The following KCNT2 variants were observed in gnomAD, a reference collection of about 807,000 sequenced individuals.
KCNT2 encodes potassium channel subfamily T member 2.
A neutral mutation model predicts 153.8 loss-of-function variants in KCNT2; 67 were observed. The observed-to-expected ratio is 0.44, with a 90% CI of 0.36 to 0.53. The LOEUF is 0.53. KCNT2 is among the 20% of genes least tolerant of loss of function. The probability of loss-of-function intolerance (pLI) is 0.00; values close to 1 mark genes in which losing one functional copy is unlikely to be tolerated. For synonymous variants in KCNT2, 500 were observed against 458.8 expected (o/e 1.09, Z -1.15); for missense variants, 975 against 1,354.8 (o/e 0.72, Z 4.40).
At chr1:196,411,619 T>A (rs1050121843) in intron 12 of KCNT2, among the ~76,000 whole-genome samples, 1 of 151,736 alleles carries the variant, frequency 6.6e-6, no homozygotes. Flanking sequence ...TTCTAAGTAT[T>A]TTATTCTTTT....
intron 14 of KCNT2, among the ~76,000 whole-genome samples, chr1:196,353,796 A>G (rs1280894961): frequency 1.3e-5 from 2 of 152,016 alleles, no homozygotes; most frequent in East Asian, 3.9e-4. Context: ...ATGTATTTCA[A>G]TACAGACCTC....
chr1:196,593,311 T>TATATATATATAC (rs1256165838), intron 1 of KCNT2, among the ~76,000 whole-genome samples: 19 of 140,204 alleles, frequency 1.4e-4, no homozygotes, highest in African/African-American at 5.3e-4. Context: ...TATATATATA[T>TATATATATATAC]ACACACACAC....
chr1:196,516,813 C>CT (rs1387523683), intron 1 of KCNT2, among the ~76,000 whole-genome samples: 9 of 152,198 alleles, frequency 5.9e-5, no homozygotes, highest in Non-Finnish European at 1.3e-4. Flanking sequence ...GCAGTCTTCA[C>CT]TGTTGATACC....
intron 1 of KCNT2, among the ~76,000 whole-genome samples, chr1:196,584,921 A>C (rs1662489159): frequency 6.6e-6 from 1 of 152,076 alleles, no homozygotes; most frequent in Non-Finnish European, 1.5e-5. Flanking sequence ...TGGGGTTTGC[A>C]AAGATGAACT....
chr1:196,294,280 G>GT (rs529657775), intron 22 of KCNT2, among the ~76,000 whole-genome samples: 33 of 152,076 alleles, frequency 2.2e-4, no homozygotes, highest in African/African-American at 6.7e-4. Context: ...ATTATGTTTT[G>GT]TTTTTTTGTT....
At chr1:196,431,833 G>A (rs1315257401) in intron 8 of KCNT2, among the ~76,000 whole-genome samples, 2 of 152,108 alleles carry the variant, frequency 1.3e-5, no homozygotes. Flanking sequence ...AATAAAAATT[G>A]TGCTCCAGAG....
intron 12 of KCNT2, among the ~76,000 whole-genome samples, chr1:196,411,460 A>C (rs140568999): frequency 0.015 from 2,210 of 149,882 alleles, 69 homozygotes; most frequent in African/African-American, 0.051. Flanking sequence ...AAAAAAAAAA[A>C]AAAAAAAAAC....
At chr1:196,515,849 C>T (rs1227295315) in intron 1 of KCNT2, among the ~76,000 whole-genome samples, 5 of 152,100 alleles carry the variant, frequency 3.3e-5, no homozygotes, top group African/African-American at 9.7e-5. Flanking sequence ...CCTCCCCAAC[C>T]CAGGGAAGTG....
chr1:196,301,449 A>G (rs1558120244), intron 22 of KCNT2, among the ~76,000 whole-genome samples: 1 of 152,158 alleles, frequency 6.6e-6, no homozygotes, highest in East Asian at 1.9e-4. Context: ...TTACCCCTAT[A>G]TCCCCTACAG....
intron 1 of KCNT2, among the ~76,000 whole-genome samples, chr1:196,597,133 T>C (rs555169754): frequency 1.3e-5 from 2 of 152,322 alleles, no homozygotes; most frequent in East Asian, 3.9e-4. Context: ...TTGGTTAGAA[T>C]CCTAGTATGT....
chr1:196,238,446 T>C (rs1427803936), intron 26 of KCNT2, among the ~76,000 whole-genome samples: 1 of 152,030 alleles, frequency 6.6e-6, no homozygotes, highest in Non-Finnish European at 1.5e-5. Context: ...ATACATGGCT[T>C]ATCAAGACGT....
chr1:196,336,958 T>A (rs988152514), intron 16 of KCNT2, among the ~76,000 whole-genome samples: 9 of 152,162 alleles, frequency 5.9e-5, no homozygotes, highest in African/African-American at 1.9e-4. Flanking sequence ...CAGAGCTTTG[T>A]CTTTTATTTT....
chr1:196,232,108 G>C (rs1417860920), intron 27 of KCNT2, among the ~76,000 whole-genome samples: 1 of 151,688 alleles, frequency 6.6e-6, no homozygotes. Context: ...TATTTTCTTT[G>C]ACCAAATAAA....
intron 13 of KCNT2, among the ~76,000 whole-genome samples, chr1:196,393,711 A>G (rs1279341847): frequency 1.3e-5 from 2 of 151,532 alleles, no homozygotes; most frequent in Admixed American, 6.6e-5. Flanking sequence ...TCTGATAACT[A>G]AACTGCTATA....
chr1:196,353,106 T>G (rs1183476864), intron 14 of KCNT2, among the ~76,000 whole-genome samples: 2 of 151,954 alleles, frequency 1.3e-5, no homozygotes, highest in Non-Finnish European at 1.5e-5. Flanking sequence ...CGCAAGAGTA[T>G]GGGCTGCTCC....
chr1:196,389,769 G>A (rs759786689), intron 13 of KCNT2, among the ~76,000 whole-genome samples: 2 of 151,558 alleles, frequency 1.3e-5, no homozygotes, highest in Non-Finnish European at 3.0e-5. Flanking sequence ...AAAGTTAGTG[G>A]TAAGCTTTTA....
At chr1:196,519,132 A>C (rs953382331) in intron 1 of KCNT2, among the ~76,000 whole-genome samples, 1 of 152,182 alleles carries the variant, frequency 6.6e-6, no homozygotes, top group Non-Finnish European at 1.5e-5. Context: ...ATCAAGAATA[A>C]AGAAAAAAAT....
chr1:196,428,305 A>C (rs1212793458), intron 9 of KCNT2, 36 bp from the exon 10 acceptor site: 2 of 1,492,638 alleles, frequency 1.3e-6, no homozygotes, highest in Non-Finnish European at 1.9e-6. Flanking sequence ...TGAAAAACAC[A>C]GTAAGGAAAT....
At position 196,340,535 on chromosome 1, in the gene KCNT2, T is replaced by C; in HGVS notation, c.1589A>G (p.Asp530Gly). 1 of 1,609,448 alleles carries C rather than the reference T, an allele frequency of 6.2e-7. No individual in the cohort carries two copies. Among genetic ancestry groups the C allele is most frequent in the African/African-American group, 1.3e-5 (1 of 74,776 alleles). Residue 530 changes from aspartate (D) to glycine (G), a missense_variant, in exon 16 of 28, where the codon GAT becomes GGT. Around this residue, in one of 6 missense-constraint regions of KCNT2, gnomAD observed 325 missense variants for 388.1 expected, o/e 0.84. Coordinates refer to ENST00000294725, the MANE Select transcript of KCNT2 (RefSeq NM_198503.5). ...TGGATTCAGCAAAATGTTTTTATTA[T>C]CCTCCCTCCTAACACCAATCAAGCA... is the stretch of plus-strand genomic sequence containing the variant. ...GVCLIGVRRE[D>G]NKNILLNPGP...
Sources: allele counts gnomAD v4.1 joint callset (sites outside exome capture counted in the v4.1 genomes callset), GRCh38; gene constraint gnomAD v4.1.1; regional missense constraint gnomAD v4.1.1; transcripts MANE v1.5; gene names NCBI Gene and HGNC (gene_info 2026-07-23, HGNC 2026-07-21).